Variants in HIVEP1 observed in about 807,000 individuals in gnomAD.
HIVEP1 encodes the protein zinc finger protein 40.
In HIVEP1, 36 loss-of-function variants were observed where a neutral mutation model predicts 180.0. That is an observed-to-expected ratio of 0.20 (90% CI 0.15 to 0.26). The LOEUF is 0.26. Ranked by LOEUF, HIVEP1 falls within the 10% of genes least tolerant of loss-of-function variation. The pLI, the probability that HIVEP1 is intolerant of heterozygous loss-of-function variation, is 1.00. For synonymous variants in HIVEP1, 1,239 were observed against 1,239.0 expected, an observed-to-expected ratio of 1.00 and a Z score of 0.00; for missense variants, 3,143 against 3,268.7, an observed-to-expected ratio of 0.96 and a Z score of 0.94.
intron 7 of HIVEP1, among the ~76,000 whole-genome samples, chr6:12,150,715 T>G (rs931452352): frequency 2.0e-5 from 3 of 152,178 alleles, no homozygotes; most frequent in African/African-American, 7.2e-5. Context: ...GACACAGTAT[T>G]TTGGTTTACT....
chr6:12,076,621 G>A (rs1772368300), intron 2 of HIVEP1, among the ~76,000 whole-genome samples: 1 of 152,184 alleles, frequency 6.6e-6, no homozygotes, highest in South Asian at 2.1e-4. Context: ...GCGGAAGAGA[G>A]TAAACCCACT....
the HIVEP1 span, among the ~76,000 whole-genome samples, chr6:12,204,877 A>C: frequency 6.6e-6 from 1 of 152,230 alleles, no homozygotes; most frequent in Admixed American, 6.5e-5. Flanking sequence ...CATGTATGAC[A>C]TCAGGAGGTA....
chr6:12,184,302 G>A, the HIVEP1 span, among the ~76,000 whole-genome samples: 1 of 152,244 alleles, frequency 6.6e-6, no homozygotes, highest in East Asian at 1.9e-4. Context: ...GAATTTCCTA[G>A]AATGTTACCT....
At chr6:12,203,878 A>T in the HIVEP1 span, among the ~76,000 whole-genome samples, 95 of 152,246 alleles carry the variant, frequency 6.2e-4, no homozygotes, top group Middle Eastern at 0.01. Context: ...GGAGTTGGAG[A>T]CCAGCCTGAC....
intron 3 of HIVEP1, among the ~76,000 whole-genome samples, chr6:12,109,772 T>A (rs1378380925): frequency 6.6e-6 from 1 of 152,240 alleles, no homozygotes; most frequent in African/African-American, 2.4e-5. Flanking sequence ...CCTCCTCTCA[T>A]CAATCATGAA....
intron 2 of HIVEP1, among the ~76,000 whole-genome samples, chr6:12,077,047 A>G (rs1028229319): frequency 2.6e-5 from 4 of 152,140 alleles, no homozygotes; most frequent in Admixed American, 2.6e-4. Context: ...ACAACTTACA[A>G]AGCCCCAGGA....
intron 7 of HIVEP1, among the ~76,000 whole-genome samples, chr6:12,145,985 G>C (rs1240573469): frequency 6.6e-6 from 1 of 152,180 alleles, no homozygotes; most frequent in East Asian, 1.9e-4. Flanking sequence ...ATATACTTAA[G>C]TGATGCTAAT....
intron 2 of HIVEP1, among the ~76,000 whole-genome samples, chr6:12,073,230 C>G (rs1475260612): frequency 1.3e-5 from 2 of 152,128 alleles, no homozygotes; most frequent in Non-Finnish European, 2.9e-5. Context: ...CTACTCTATC[C>G]CTGGCAGGAC....
intron 6 of HIVEP1, 38 bp downstream of exon 6, chr6:12,130,980 G>C (rs372397526): frequency 2.6e-5 from 38 of 1,463,418 alleles, no homozygotes; most frequent in Non-Finnish European, 3.4e-5. Flanking sequence ...CTTTTAATAT[G>C]TATTTAGGTG....
chr6:12,203,344 G>A, the HIVEP1 span, among the ~76,000 whole-genome samples: 1 of 152,222 alleles, frequency 6.6e-6, no homozygotes, highest in African/African-American at 2.4e-5. Context: ...CCCTGTGAAC[G>A]GTTACCCATT....
the HIVEP1 span, among the ~76,000 whole-genome samples, chr6:12,188,273 G>A: frequency 6.6e-6 from 1 of 152,152 alleles, no homozygotes; most frequent in African/African-American, 2.4e-5. Flanking sequence ...CCATATTAAT[G>A]TTACAAAGGT....
the HIVEP1 span, among the ~76,000 whole-genome samples, chr6:12,201,514 C>T: frequency 6.6e-6 from 1 of 151,946 alleles, no homozygotes; most frequent in African/African-American, 2.4e-5. Flanking sequence ...CAAAACAAAA[C>T]ATTTTTTTGA....
At chr6:12,180,347 C>T in the HIVEP1 span, among the ~76,000 whole-genome samples, 2 of 152,276 alleles carry the variant, frequency 1.3e-5, no homozygotes, top group Middle Eastern at 3.4e-3. Flanking sequence ...GTTGTTTTCT[C>T]GGCATATACA....
At chr6:12,165,204 C>A (rs1271151924), downstream of HIVEP1, 1 of 475,456 alleles carries the variant, frequency 2.1e-6, no homozygotes, top group Non-Finnish European at 4.1e-6. Context: ...TGTGAGAAGT[C>A]ATTTCATAGT....
intron 1 of HIVEP1, among the ~76,000 whole-genome samples, chr6:12,013,705 T>C (rs895953090): frequency 7.2e-5 from 11 of 152,234 alleles, no homozygotes; most frequent in African/African-American, 2.4e-4. Context: ...CTCAATTCTT[T>C]ATTGAATCAG....
the HIVEP1 span, among the ~76,000 whole-genome samples, chr6:12,198,188 A>G: frequency 1.3e-5 from 2 of 152,212 alleles, no homozygotes; most frequent in Non-Finnish European, 2.9e-5. Flanking sequence ...TGGTCGTTAC[A>G]TATGGACGTC....
chr6:12,199,665 AAAAC>A, the HIVEP1 span, among the ~76,000 whole-genome samples: 7 of 152,310 alleles, frequency 4.6e-5, no homozygotes, highest in South Asian at 1.4e-3. Context: ...TCAATTTTTA[AAAAC>A]AAACATTTTC....
chr6:12,162,002 TAAGAA>T, intron 8 of HIVEP1, 73 bp downstream of exon 8: 1 of 1,351,876 alleles, frequency 7.4e-7, no homozygotes, highest in South Asian at 1.4e-5. Flanking sequence ...CTTAATGGCT[TAAGAA>T]AATAATGCAC....
In HIVEP1 at chr6:12,028,549, A is replaced by G. The variant is rs80076270; in HGVS notation, c.40+12881A>G. 0.012 allele frequency among the ~76,000 whole-genome samples: 1,791 copies of G among 152,314 alleles called. 64 individuals carry two copies. In the East Asian group the frequency reaches 0.15, roughly 13 times the overall value. ...ATTAATGCCATACGTGTGATGAGTT[A>G]TATATTCAGCATTCATGTTAATATC... On this transcript the variant is annotated intron_variant, in intron 2 of 8. Transcript: ENST00000379388.
Sources: allele counts gnomAD v4.1 joint callset (sites outside exome capture counted in the v4.1 genomes callset), GRCh38; gene constraint gnomAD v4.1.1; transcripts MANE v1.5; gene names NCBI Gene and HGNC (gene_info 2026-07-23, HGNC 2026-07-21).